ABCB1: variants seen among roughly 807,000 people sequenced by gnomAD.
ABCB1 encodes ATP binding cassette subfamily B member 1, also known as ATP-dependent translocase ABCB1.
Under a neutral mutation model 142.0 loss-of-function variants are expected in ABCB1, and 69 were observed. The observed-to-expected ratio is 0.49, with a 90% CI of 0.40 to 0.59. The LOEUF (loss-of-function observed/expected upper bound fraction) is 0.59, where lower values mean the gene tolerates loss of function less well. Among genes scored for constraint, ABCB1 ranks in the 20% least tolerant of loss-of-function variants. The pLI is 0.00. For synonymous variants in ABCB1, 532 were observed against 539.2 expected (o/e 0.99, Z 0.18); for missense variants, 1,326 against 1,554.7 (o/e 0.85, Z 2.47).
Position 87,544,127 on chromosome 7 carries a change from A to G in ABCB1, c.2211+2T>C, listed in dbSNP as rs1445486415. 1.9e-6 allele frequency: 3 copies of G among 1,613,834 alleles called. No homozygotes were observed. Among genetic ancestry groups the G allele is most frequent in the Middle Eastern group, 1.7e-4 (1 of 6,058 alleles). ...AATCACACAAATGGGCATCACACTT[A>G]CCCCTATAATCTTTGAAAATATTAT... On this transcript the variant is annotated splice_donor_variant, in intron 17 of 27. Coordinates refer to ENST00000622132, the MANE Select transcript of ABCB1 (RefSeq NM_001348946.2). LOFTEE classifies it high-confidence loss of function.
intron 1 of ABCB1, among the ~76,000 whole-genome samples, chr7:87,644,133 A>G (rs1403114388): frequency 2.6e-5 from 4 of 152,266 alleles, no homozygotes; most frequent in Non-Finnish European, 4.4e-5. Flanking sequence ...TGTTGGGATT[A>G]CAGGCGTGAG....
At chr7:87,684,387 G>A (rs986355156) in intron 1 of ABCB1, among the ~76,000 whole-genome samples, 9 of 152,144 alleles carry the variant, frequency 5.9e-5, no homozygotes, top group African/African-American at 2.2e-4. Flanking sequence ...TTTCATGAAG[G>A]AAGAACTAAG....
chr7:87,590,177 G>C lies in ABCB1; in HGVS notation c.118-4497C>G, dbSNP rs140557386. Among the ~76,000 whole-genome samples the C allele has an allele frequency of 6.6e-5, 10 of 152,244 alleles. No individual in the cohort carries two copies. In the East Asian group the frequency reaches 1.9e-3, roughly 29 times the overall value. On this transcript the variant is annotated intron_variant, in intron 3 of 27. Transcript: ENST00000622132. ...AAGGTCAGGCTTGGTTCTAGGTACT[G>C]GTAACAACAGTGAGTAAGAAAAGCT...
intron 1 of ABCB1, among the ~76,000 whole-genome samples, chr7:87,710,408 A>T (rs1344882126): frequency 2.0e-5 from 3 of 152,184 alleles, no homozygotes; most frequent in African/African-American, 4.8e-5. Flanking sequence ...ACTCTAGATA[A>T]TCAAAATTTA....
At chr7:87,603,536 C>G (rs760797229), upstream of ABCB1, among the ~76,000 whole-genome samples, 1 of 152,218 alleles carries the variant, frequency 6.6e-6, no homozygotes, top group Non-Finnish European at 1.5e-5. Flanking sequence ...TAACAGTTTC[C>G]TCTTAGCTTT....
At chr7:87,527,326 T>C (rs571690776) in intron 21 of ABCB1, among the ~76,000 whole-genome samples, 46 of 152,324 alleles carry the variant, frequency 3.0e-4, no homozygotes, top group African/African-American at 1.1e-3. Context: ...GCATTTTCAA[T>C]ATGAGATAAA....
chr7:87,514,770 A>T (rs1384887667), intron 25 of ABCB1, among the ~76,000 whole-genome samples: 1 of 152,164 alleles, frequency 6.6e-6, no homozygotes, highest in Non-Finnish European at 1.5e-5. Flanking sequence ...AATATTTTAA[A>T]ATGTCAGAAA....
chr7:87,672,353 T>A (rs1263781669), intron 1 of ABCB1, among the ~76,000 whole-genome samples: 1 of 152,168 alleles, frequency 6.6e-6, no homozygotes, highest in Non-Finnish European at 1.5e-5. Context: ...CTGGAATGGC[T>A]AAGGTGCCCA....
intron 1 of ABCB1, among the ~76,000 whole-genome samples, chr7:87,635,326 G>A (rs1821657607): frequency 6.6e-6 from 1 of 152,178 alleles, no homozygotes; most frequent in African/African-American, 2.4e-5. Flanking sequence ...CAGTCACAGA[G>A]GGTCTTGAAG....
chr7:87,710,440 ATT>A, intron 1 of ABCB1: 1 of 602,588 alleles, frequency 1.7e-6, no homozygotes, highest in Non-Finnish European at 2.9e-6. Flanking sequence ...CTACTTAAAC[ATT>A]TTTCTTAGTC....
chr7:87,612,163 C>A (rs762007228), intron 1 of ABCB1, among the ~76,000 whole-genome samples: 8 of 152,052 alleles, frequency 5.3e-5, no homozygotes, highest in Non-Finnish European at 1.2e-4. Context: ...GGATATTAGT[C>A]CTTTGTTGAA....
intron 4 of ABCB1, among the ~76,000 whole-genome samples, chr7:87,581,366 A>G (rs1214640206): frequency 6.6e-6 from 1 of 151,902 alleles, no homozygotes; most frequent in East Asian, 1.9e-4. Context: ...TAAAACCACA[A>G]TCGCCTTTAT....
At chr7:87,620,223 C>T (rs1466471056) in intron 1 of ABCB1, among the ~76,000 whole-genome samples, 9 of 151,762 alleles carry the variant, frequency 5.9e-5, no homozygotes, top group Admixed American at 2.6e-4. Flanking sequence ...TGCAATGGCA[C>T]GATCTTGACT....
intron 1 of ABCB1, among the ~76,000 whole-genome samples, chr7:87,672,553 G>A (rs1453966021): frequency 2.0e-5 from 3 of 152,152 alleles, no homozygotes; most frequent in African/African-American, 7.2e-5. Context: ...TATGTACAGG[G>A]GTCCAGCCTT....
chr7:87,577,171 C>T (rs550840361), intron 4 of ABCB1, among the ~76,000 whole-genome samples: 9 of 152,170 alleles, frequency 5.9e-5, no homozygotes, highest in Non-Finnish European at 1.2e-4. Context: ...ATGTGAAGTT[C>T]GTCTTTCTGT....
At chr7:87,680,875 A>C (rs1456204584) in intron 1 of ABCB1, among the ~76,000 whole-genome samples, 1 of 150,682 alleles carries the variant, frequency 6.6e-6, no homozygotes, top group African/African-American at 2.5e-5. Flanking sequence ...AAAATGGAGG[A>C]AATAATAGAT....
chr7:87,578,907 A>T (rs1818387636), intron 4 of ABCB1, among the ~76,000 whole-genome samples: 1 of 151,622 alleles, frequency 6.6e-6, no homozygotes, highest in African/African-American at 2.4e-5. Flanking sequence ...TTTAGCCGGG[A>T]TAGTCTCGAT....
intron 3 of ABCB1, among the ~76,000 whole-genome samples, chr7:87,586,657 A>T (rs139379601): frequency 6.1e-4 from 93 of 152,328 alleles, no homozygotes; most frequent in African/African-American, 2.2e-3. Context: ...GCAGCAAAAA[A>T]GACATAGCCA....
At chr7:87,594,891 A>C (rs958426069) in intron 3 of ABCB1, among the ~76,000 whole-genome samples, 2 of 152,192 alleles carry the variant, frequency 1.3e-5, no homozygotes, top group Non-Finnish European at 2.9e-5. Flanking sequence ...TACCTTAAAA[A>C]AATTGCTGTG....
Sources: gnomAD v4.1 joint callset for allele counts (sites outside exome capture counted in the v4.1 genomes callset) on GRCh38, gnomAD v4.1.1 for gene constraint, MANE v1.5 for transcripts, NCBI Gene and HGNC (gene_info 2026-07-23, HGNC 2026-07-21) for gene names.